PLCL1: variants seen among roughly 807,000 people sequenced by gnomAD.
PLCL1 encodes the protein inactive phospholipase C-like protein 1.
Under a neutral mutation model 84.4 loss-of-function variants are expected in PLCL1, and 41 were observed. The observed-to-expected ratio is 0.49, with a 90% confidence interval of 0.38 to 0.63. The LOEUF is 0.63. Ranked by LOEUF, PLCL1 falls within the 30% of genes least tolerant of loss-of-function variation. The pLI is 0.00. For synonymous variants in PLCL1, 490 were observed against 488.3 expected, an observed-to-expected ratio of 1.00 and a Z score of -0.05; for missense variants, 1,206 against 1,367.8, an observed-to-expected ratio of 0.88 and a Z score of 1.87.
chr2:198,147,067 T>C lies in PLCL1; in HGVS notation c.*105T>C, dbSNP rs183191671. The C allele has an allele frequency of 4.2e-4, 347 of 816,646 alleles. 1 individual carries two copies. In the African/African-American group the frequency reaches 4.9e-3, roughly 12 times the overall value. The allele number at this position is 816,646 out of a possible 1,614,324, so 50.6% of individuals were successfully genotyped here. On this transcript the variant is annotated 3_prime_UTR_variant, in exon 6 of 6. Coordinates refer to ENST00000428675, the MANE Select transcript of PLCL1 (RefSeq NM_006226.4). Reference sequence around the variant, plus strand: ...TATAAGTTCACAAAATGGTGCCCTATATGGGGTATTGGACATAGATATTTT... The same window carrying C: ...TATAAGTTCACAAAATGGTGCCCTACATGGGGTATTGGACATAGATATTTT...
chr2:198,079,660 CAA>C (rs958315198), intron 1 of PLCL1, among the ~76,000 whole-genome samples: 11 of 152,158 alleles, frequency 7.2e-5, no homozygotes, highest in Middle Eastern at 3.4e-3. Context: ...TGAATAATTT[CAA>C]AAGACAGTAG....
intron 1 of PLCL1, among the ~76,000 whole-genome samples, chr2:198,074,771 A>C (rs560310824): frequency 6.6e-6 from 1 of 152,354 alleles, no homozygotes; most frequent in Admixed American, 6.5e-5. Flanking sequence ...CATGAACTCT[A>C]TTTAATAATG....
Position 198,149,626 on chromosome 2 carries a change from G to A in PLCL1, c.*2664G>A, listed in dbSNP as rs1694596864. Reference sequence around the variant, plus strand: ...ATTTTCTGAATATAAAATATTAATGGTCAATATAAAAATACAAAAATAGAG... The same window carrying A: ...ATTTTCTGAATATAAAATATTAATGATCAATATAAAAATACAAAAATAGAG... On this transcript the variant is annotated 3_prime_UTR_variant, in exon 6 of 6. Coordinates refer to ENST00000428675, the MANE Select transcript of PLCL1 (RefSeq NM_006226.4). The A allele has an allele frequency of 6.6e-6, 1 of 151,874 alleles. No homozygotes were observed. 9.4% of individuals were successfully genotyped at this position (151,874 alleles called of 1,614,324 possible).
intron 5 of PLCL1, among the ~76,000 whole-genome samples, chr2:198,141,594 A>T (rs1694389794): frequency 6.6e-6 from 1 of 152,164 alleles, no homozygotes; most frequent in South Asian, 2.1e-4. Context: ...AAAGGATTAA[A>T]CTTCTTAAAT....
At chr2:197,969,073 G>T (rs1405557309) in intron 1 of PLCL1, among the ~76,000 whole-genome samples, 2 of 152,138 alleles carry the variant, frequency 1.3e-5, no homozygotes, top group Non-Finnish European at 2.9e-5. Flanking sequence ...TTTGTGAACT[G>T]CATATGCAAG....
intron 5 of PLCL1, among the ~76,000 whole-genome samples, chr2:198,128,393 T>A (rs1041537211): frequency 6.6e-6 from 1 of 152,094 alleles, no homozygotes; most frequent in Non-Finnish European, 1.5e-5. Flanking sequence ...TGCTCCAATC[T>A]GTCTCCCCAG....
chr2:198,085,825 C>G lies in PLCL1; in HGVS notation c.2308C>G (p.Gln770Glu), dbSNP rs1400301767. ...TTCGGAACAAAGAACTAAAACTGTA[C>G]AGCAAAACAGTGATAATCCTATTTT... ...DCSEQRTKTV[Q>E]QNSDNPIFDE... The change falls in exon 2 of 6, where the codon CAG becomes GAG. Residue 770 changes from glutamine to glutamate, a missense_variant. Transcript: ENST00000428675. The surrounding 1 kb of genome is among the most constrained non-coding windows in gnomAD (Gnocchi z 5.3). 6.2e-7 allele frequency: 1 copy of G among 1,614,102 alleles called. No homozygotes were observed. Among genetic ancestry groups the G allele is most frequent in the African/African-American group, 1.3e-5 (1 of 75,040 alleles).
At chr2:197,963,888 T>C (rs1429862778) in intron 1 of PLCL1, among the ~76,000 whole-genome samples, 1 of 152,110 alleles carries the variant, frequency 6.6e-6, no homozygotes, top group Non-Finnish European at 1.5e-5. Flanking sequence ...TTGTCAAAAA[T>C]GAGTTTGCTG....
At chr2:197,863,897 T>C (rs1307023856) in intron 1 of PLCL1, among the ~76,000 whole-genome samples, 2 of 152,224 alleles carry the variant, frequency 1.3e-5, no homozygotes, top group African/African-American at 4.8e-5. Context: ...CTGTTGGTCA[T>C]GTGACTTCTT....
intron 1 of PLCL1, among the ~76,000 whole-genome samples, chr2:197,832,559 A>G (rs528739521): frequency 6.6e-6 from 1 of 152,192 alleles, no homozygotes; most frequent in African/African-American, 2.4e-5. Flanking sequence ...TCACAGCCAA[A>G]TTCTACCAGA....
At chr2:198,035,011 G>T (rs138156891) in intron 1 of PLCL1, among the ~76,000 whole-genome samples, 1 of 152,140 alleles carries the variant, frequency 6.6e-6, no homozygotes, top group Non-Finnish European at 1.5e-5. Flanking sequence ...ATCTATTTCT[G>T]CCCTTACTTG....
rs1027167823 is a variant in PLCL1, at chr2:197,927,839, A to T, written c.240+122500A>T. On this transcript the variant is annotated intron_variant, in intron 1 of 5. Transcript: ENST00000428675. ...TTTTAAGGTTATATTGTTTCTCAGG[A>T]ATAACCCAAACAGACACTGATGACT... 9.8e-5 allele frequency among the ~76,000 whole-genome samples: 15 copies of T among 152,286 alleles called. No individual in the cohort carries two copies. In the South Asian group the frequency reaches 3.1e-3, roughly 32 times the overall value.
chr2:198,101,946 A>G (rs544699980), intron 4 of PLCL1, among the ~76,000 whole-genome samples: 1 of 152,184 alleles, frequency 6.6e-6, no homozygotes, highest in African/African-American at 2.4e-5. Context: ...GAAGATGACA[A>G]TAGTAGCAAC....
At chr2:197,883,294 A>G (rs927563515) in intron 1 of PLCL1, among the ~76,000 whole-genome samples, 2 of 152,214 alleles carry the variant, frequency 1.3e-5, no homozygotes, top group Non-Finnish European at 2.9e-5. Context: ...CATATAAAAA[A>G]TAAGACTTGC....
chr2:197,843,134 T>C (rs1343639549), intron 1 of PLCL1, among the ~76,000 whole-genome samples: 1 of 152,232 alleles, frequency 6.6e-6, no homozygotes, highest in Non-Finnish European at 1.5e-5. Flanking sequence ...ATGACTGTTC[T>C]GCTCATTGTG....
intron 1 of PLCL1, among the ~76,000 whole-genome samples, chr2:197,932,123 G>C (rs1464653189): frequency 2.0e-5 from 3 of 152,046 alleles, no homozygotes; most frequent in Non-Finnish European, 4.4e-5. Context: ...TTGGGTCATT[G>C]CTACTCATAT....
intron 5 of PLCL1, among the ~76,000 whole-genome samples, chr2:198,137,040 T>C (rs1019594626): frequency 8.5e-5 from 13 of 152,302 alleles, no homozygotes; most frequent in Admixed American, 8.5e-4. Context: ...AATTCTTTTA[T>C]AAACCAAAGA....
chr2:197,974,895 A>C (rs61584734), intron 1 of PLCL1, among the ~76,000 whole-genome samples: 27,502 of 152,068 alleles, frequency 0.18, 2,591 homozygotes, highest in East Asian at 0.26. Flanking sequence ...TAATCCCAGC[A>C]CTTTGGGAGG....
chr2:197,831,303 A>G (rs1201555475), intron 1 of PLCL1, among the ~76,000 whole-genome samples: 2 of 152,206 alleles, frequency 1.3e-5, no homozygotes, highest in African/African-American at 4.8e-5. Flanking sequence ...ACATAAGCTC[A>G]AAATAAAGAG....
Sources: gnomAD v4.1 joint callset for allele counts (sites outside exome capture counted in the v4.1 genomes callset) on GRCh38, gnomAD v4.1.1 for gene constraint, Gnocchi (gnomAD v3.1) non-coding constraint, MANE v1.5 for transcripts, NCBI Gene and HGNC (gene_info 2026-07-23, HGNC 2026-07-21) for gene names.